The following KRIT1 variants were observed in gnomAD, a reference collection of about 807,000 sequenced individuals.
KRIT1 encodes the protein krev interaction trapped protein 1.
In KRIT1, 45 loss-of-function variants were observed where a neutral mutation model predicts 95.8. The observed-to-expected ratio is 0.47, with a 90% CI of 0.37 to 0.60. The LOEUF (loss-of-function observed/expected upper bound fraction) is 0.60, where lower values mean the gene tolerates loss of function less well. Among genes scored for constraint, KRIT1 ranks in the 20% least tolerant of loss-of-function variants. KRIT1 has a pLI of 0.00. For missense variants in KRIT1, 788 were observed against 877.5 expected (o/e 0.90, Z 1.29); for synonymous variants, 282 against 278.8 (o/e 1.01, Z -0.11).
chr7:92,213,628 C>T (rs964960490), intron 16 of KRIT1, among the ~76,000 whole-genome samples: 3 of 151,760 alleles, frequency 2.0e-5, no homozygotes, highest in Non-Finnish European at 2.9e-5. Context: ...AATTGCTTCA[C>T]GGGCATGGAT....
chr7:92,211,969 G>T (rs1792946064), intron 17 of KRIT1, among the ~76,000 whole-genome samples: 1 of 151,960 alleles, frequency 6.6e-6, no homozygotes, highest in South Asian at 2.1e-4. Context: ...GCCAGGCATG[G>T]TGTTACGTGC....
intron 3 of KRIT1, among the ~76,000 whole-genome samples, chr7:92,243,267 T>C (rs952334919): frequency 1.3e-5 from 2 of 152,360 alleles, no homozygotes; most frequent in East Asian, 1.9e-4. Flanking sequence ...AGTTGTATAA[T>C]AGTTTTCTTC....
At chr7:92,209,006 G>C (rs1181564871) in intron 17 of KRIT1, among the ~76,000 whole-genome samples, 1 of 151,946 alleles carries the variant, frequency 6.6e-6, no homozygotes, top group African/African-American at 2.4e-5. Context: ...TGATCAAATG[G>C]GATTTATGCC....
In KRIT1 at chr7:92,208,201, C is replaced by T. The variant is rs955476695; in HGVS notation, c.2025+4994G>A. Among the ~76,000 whole-genome samples, 5 of 151,996 alleles carry T rather than the reference C, an allele frequency of 3.3e-5. No homozygotes were observed. The South Asian group carries it at 1.0e-3, about 32-fold the overall frequency. On this transcript the variant is annotated intron_variant, in intron 17 of 18. Coordinates refer to ENST00000394505, the MANE Select transcript of KRIT1 (RefSeq NM_194454.3). ...ATATACCAAAACCTAAGGGATGTAG[C>T]AAAAGCAGTGTAAGAGGAAAGTTTA... is the stretch of plus-strand genomic sequence containing the variant.
intron 17 of KRIT1, chr7:92,206,370 G>C (rs1016720831): frequency 2.0e-5 from 3 of 152,412 alleles, no homozygotes; most frequent in African/African-American, 7.2e-5. Context: ...ACTAGTGCCT[G>C]AGCACTGGTC....
At chr7:92,227,213 T>C (rs1022029516) in intron 10 of KRIT1, among the ~76,000 whole-genome samples, 1 of 152,168 alleles carries the variant, frequency 6.6e-6, no homozygotes, top group African/African-American at 2.4e-5. Flanking sequence ...AACATAAACA[T>C]GGGATAAGTT....
At chr7:92,217,080 T>C (rs1026895674) in intron 14 of KRIT1, among the ~76,000 whole-genome samples, 2 of 152,188 alleles carry the variant, frequency 1.3e-5, no homozygotes, top group Admixed American at 1.3e-4. Context: ...TTACTAAGCC[T>C]TGCTTCCTTT....
chr7:92,203,164 T>G (rs1790603007), intron 17 of KRIT1, among the ~76,000 whole-genome samples: 1 of 152,242 alleles, frequency 6.6e-6, no homozygotes. Context: ...TCCCATGGCT[T>G]TTCCTATCTC....
intron 17 of KRIT1, chr7:92,202,408 C>T (rs908094811): frequency 5.9e-5 from 9 of 152,240 alleles, no homozygotes; most frequent in African/African-American, 1.7e-4. Flanking sequence ...TATAAGCAGA[C>T]ATTCAATATA....
At position 92,221,889 on chromosome 7, in the gene KRIT1, T is replaced by C; in HGVS notation, c.1563+13A>G. On this transcript the variant is annotated intron_variant, in intron 14 of 18. Coordinates refer to ENST00000394505, the MANE Select transcript of KRIT1 (RefSeq NM_194454.3). ...TGCATTTAAATAACTGTAAATAAGA[T>C]TTCCAAGCAAACCTGTTTTTCAACT... 1 of 1,611,064 alleles carries C rather than the reference T, an allele frequency of 6.2e-7. No individual in the cohort carries two copies. Among genetic ancestry groups the C allele is most frequent in the Non-Finnish European group, 8.5e-7 (1 of 1,177,980 alleles).
At chr7:92,242,222 T>G in intron 3 of KRIT1, 85 bp from the exon 4 acceptor site, 1 of 797,428 alleles carries the variant, frequency 1.3e-6, no homozygotes. Flanking sequence ...CATCTTAAAT[T>G]GAAAACTTTT....
In KRIT1 at chr7:92,222,864, T is replaced by C. The variant is rs1230178894; in HGVS notation, c.1369A>G (p.Thr457Ala). 2.1e-5 allele frequency: 33 copies of C among 1,609,636 alleles called. No homozygotes were observed. Among genetic ancestry groups the C allele is most frequent in the Non-Finnish European group, 2.7e-5 (32 of 1,176,244 alleles). Residue 457 changes from threonine (T) to alanine (A), a missense_variant, in exon 13 of 19, where the codon ACT (threonine) becomes GCT (alanine). Physicochemically the swap from Thr to Ala is moderately conservative, Grantham distance 58. Transcript: ENST00000394505. ...IMEGMRLSQETQQYFTIWICS... is the reference protein window; with the variant it reads ...IMEGMRLSQEAQQYFTIWICS... ...ATCCATATAGTGAAATATTGCTGAG[T>C]TTCTTGAGAGAGACGCATTCCTTCC...
chr7:92,241,644 T>G (rs969698097), intron 4 of KRIT1, among the ~76,000 whole-genome samples: 3 of 152,072 alleles, frequency 2.0e-5, no homozygotes, highest in Non-Finnish European at 4.4e-5. Context: ...GTCTAAAAAT[T>G]TAAGGCAAAA....
rs1798259918 is a variant in KRIT1 at position 92,235,554 on chromosome 7, G to C, written c.578C>G (p.Pro193Arg). 1.9e-6 allele frequency: 3 copies of C among 1,613,762 alleles called. No individual in the cohort carries two copies. Among genetic ancestry groups the C allele is most frequent in the Admixed American group, 1.7e-5 (1 of 59,990 alleles). ...LERIKTNVIN[P>R]AYATESGQTE... ...CTGACCTGATTCAGTAGCATATGCA[G>C]GATTTATGACATTAGTTTTTATCCG... The change falls in exon 8 of 19, where the codon CCT becomes CGT. Residue 193 changes from proline to arginine, a missense_variant. Pro to Arg is a moderately radical substitution (Grantham distance 103). Coordinates refer to ENST00000394505, the MANE Select transcript of KRIT1 (RefSeq NM_194454.3).
chr7:92,241,728 T>C (rs1214116925), intron 4 of KRIT1, among the ~76,000 whole-genome samples: 1 of 152,226 alleles, frequency 6.6e-6, no homozygotes, highest in Non-Finnish European at 1.5e-5. Context: ...ATTGAAATTT[T>C]AAGTGAGCTG....
At chr7:92,212,219 C>T (rs966448951) in intron 17 of KRIT1, among the ~76,000 whole-genome samples, 2 of 152,188 alleles carry the variant, frequency 1.3e-5, no homozygotes, top group South Asian at 4.1e-4. Context: ...TCCTGCTCCC[C>T]AAAAGGTTCT....
intron 17 of KRIT1, chr7:92,205,913 A>C (rs766897801): frequency 2.6e-5 from 4 of 152,204 alleles, no homozygotes; most frequent in African/African-American, 4.8e-5. Context: ...TTCTAACTGA[A>C]GAGCTCTAAA....
At chr7:92,237,313 A>G (rs1798631830) in intron 6 of KRIT1, among the ~76,000 whole-genome samples, 1 of 152,168 alleles carries the variant, frequency 6.6e-6, no homozygotes, top group Non-Finnish European at 1.5e-5. Flanking sequence ...TTCTGATCAT[A>G]ATCTGTTAAT....
chr7:92,240,154 G>A (rs1302965359), intron 5 of KRIT1, among the ~76,000 whole-genome samples: 1 of 152,058 alleles, frequency 6.6e-6, no homozygotes, highest in Non-Finnish European at 1.5e-5. Flanking sequence ...TGAAACACAG[G>A]CTTATAGCTC....
Sources: allele counts gnomAD v4.1 joint callset (sites outside exome capture counted in the v4.1 genomes callset), GRCh38; gene constraint gnomAD v4.1.1; transcripts MANE v1.5; gene names NCBI Gene and HGNC (gene_info 2026-07-23, HGNC 2026-07-21).